The following EDEM3 variants were observed in gnomAD, a reference collection of about 807,000 sequenced individuals.
EDEM3 encodes ER degradation enhancing alpha-mannosidase like protein 3.
Under a neutral mutation model 110.2 loss-of-function variants are expected in EDEM3, and 60 were observed. That is an observed-to-expected ratio of 0.54 (90% confidence interval 0.44 to 0.67). The LOEUF (loss-of-function observed/expected upper bound fraction) is 0.67, where lower values mean the gene tolerates loss of function less well. Ranked by LOEUF, EDEM3 falls within the 30% of genes least tolerant of loss-of-function variation. The probability of loss-of-function intolerance (pLI) is 0.00; values close to 1 mark genes in which losing one functional copy is unlikely to be tolerated. For missense variants in EDEM3, 996 were observed against 1,121.0 expected (o/e 0.89, Z 1.59); for synonymous variants, 352 against 382.9 (o/e 0.92, Z 0.94).
chr1:184,754,785 CT>C lies in EDEM3; in HGVS notation c.-140del, dbSNP rs1653007357. 15 of 1,341,330 alleles carry C rather than the reference CT, an allele frequency of 1.1e-5. No individual in the cohort carries two copies. The South Asian group carries it at 2.4e-4, about 22-fold the overall frequency. The allele number at this position is 1,341,330 out of a possible 1,614,324, so 83.1% of individuals were successfully genotyped here. A position where few individuals can be genotyped will look rare whatever the true frequency, so the allele number is the denominator to read the frequency against. On this transcript the variant is annotated 5_prime_UTR_variant, in exon 1 of 20. Coordinates refer to ENST00000318130, the MANE Select transcript of EDEM3 (RefSeq NM_025191.4). ...AACACGGACGGCCGCCGGCGCCAAA[CT>C]GTTTCCCGAAGCCACCAAGCCGGTC...
rs955136642 is a variant in EDEM3 at position 184,708,059 on chromosome 1, A to T, written c.2037+94T>A. The T allele has an allele frequency of 1.0e-5, 12 of 1,174,500 alleles. No homozygotes were observed. The African/African-American group carries it at 1.8e-4, about 17-fold the overall frequency. The allele number at this position is 1,174,500 out of a possible 1,614,324, so 72.8% of individuals were successfully genotyped here. The stretch of plus-strand genomic sequence containing the variant: ...TTGACTATTTCAGTTTTTTAAATAA[A>T]TTAAAACTACTAAATTAGAGAAGAG... On this transcript the variant is annotated intron_variant, in intron 17 of 19. Transcript: ENST00000318130.
At chr1:184,717,261 T>C (rs573904432) in intron 12 of EDEM3, among the ~76,000 whole-genome samples, 1 of 152,146 alleles carries the variant, frequency 6.6e-6, no homozygotes, top group African/African-American at 2.4e-5. Flanking sequence ...AAAGGCTGCC[T>C]GAAGAAAGGC....
intron 19 of EDEM3, among the ~76,000 whole-genome samples, chr1:184,696,571 A>AGGGTTT (rs1649342452): frequency 6.6e-6 from 1 of 151,772 alleles, no homozygotes; most frequent in African/African-American, 2.4e-5. Flanking sequence ...TTACATTCTT[A>AGGGTTT]GGGTTTTTTT....
chr1:184,703,494 T>C (rs1649742270), intron 18 of EDEM3, among the ~76,000 whole-genome samples: 1 of 152,228 alleles, frequency 6.6e-6, no homozygotes, highest in African/African-American at 2.4e-5. Context: ...TTCTTTTTTA[T>C]ATAATGCACA....
intron 1 of EDEM3, among the ~76,000 whole-genome samples, chr1:184,753,182 A>G (rs1187864320): frequency 3.3e-5 from 5 of 151,760 alleles, no homozygotes; most frequent in African/African-American, 9.7e-5. Context: ...TCTTCGTTCC[A>G]CTTTTTTTCT....
rs1651611989 is a variant in EDEM3 at position 184,732,994 on chromosome 1, G to C, written c.459-4C>G. 6.2e-7 allele frequency: 1 copy of C among 1,611,536 alleles called. No individual in the cohort carries two copies. The highest frequency in any genetic ancestry group is 8.5e-7 in the Non-Finnish European group (1 of 1,178,734). ...GGAGTGCCCACCCAAAAGACCCCTA[G>C]GATCACAGAGATGAAACATTATCCA... On this transcript the variant is annotated splice_region_variant and splice_polypyrimidine_tract_variant and intron_variant, in intron 5 of 19. Transcript: ENST00000318130.
At chr1:184,701,584 G>A (rs996072180) in intron 19 of EDEM3, 4 of 1,232,162 alleles carry the variant, frequency 3.2e-6, no homozygotes, top group Non-Finnish European at 4.2e-6. Context: ...GGGAAAAAAA[G>A]CAAATGCATT....
At chr1:184,735,602 T>G (rs1017882527) in intron 4 of EDEM3, among the ~76,000 whole-genome samples, 7 of 152,242 alleles carry the variant, frequency 4.6e-5, no homozygotes, top group African/African-American at 9.6e-5. Flanking sequence ...GTAAAAATTC[T>G]AATTTATAAA....
intron 13 of EDEM3, among the ~76,000 whole-genome samples, chr1:184,713,426 T>A (rs909811348): frequency 6.6e-6 from 1 of 152,222 alleles, no homozygotes; most frequent in Non-Finnish European, 1.5e-5. Flanking sequence ...AATGTTATAA[T>A]GTTTTAACAA....
chr1:184,719,857 C>A (rs1002471999), intron 9 of EDEM3, among the ~76,000 whole-genome samples: 1 of 152,192 alleles, frequency 6.6e-6, no homozygotes, highest in East Asian at 1.9e-4. Flanking sequence ...GGCGTTAGCC[C>A]GTGGTTGGTA....
chr1:184,729,763 A>G lies in EDEM3; in HGVS notation c.612+3074T>C, dbSNP rs552568192. ...ATTTTTAAAATTTTCTTGACACTTC[A>G]GAGTATAAGAAAATAATATAAGTTT... On this transcript the variant is annotated intron_variant, in intron 6 of 19. Coordinates refer to ENST00000318130, the MANE Select transcript of EDEM3 (RefSeq NM_025191.4). 2.6e-5 allele frequency among the ~76,000 whole-genome samples: 4 copies of G among 152,294 alleles called. No homozygotes were observed. The East Asian group carries it at 5.8e-4, about 22-fold the overall frequency.
At chr1:184,738,558 G>A (rs977148054) in intron 2 of EDEM3, among the ~76,000 whole-genome samples, 6 of 152,084 alleles carry the variant, frequency 3.9e-5, no homozygotes, top group African/African-American at 1.4e-4. Flanking sequence ...AGACCCATTA[G>A]GGTCAAAGGT....
At chr1:184,721,418 A>C in intron 8 of EDEM3, 32 bp from the exon 9 acceptor site, 1 of 1,548,802 alleles carries the variant, frequency 6.5e-7, no homozygotes. Flanking sequence ...TTTTCATTAA[A>C]TTTTTTTAAA....
Position 184,726,267 on chromosome 1 carries a change from T to C in EDEM3, c.735A>G (p.Ala245=). ...GTAAAAAGCAAACCTCAAATATTGTTGCTCCTGTGAATCGACTTAAAGCAG... is the reference window on the plus strand; with the variant it reads ...GTAAAAAGCAAACCTCAAATATTGTCGCTCCTGTGAATCGACTTAAAGCAG... ...EFAALSRFTG[A]TIFEEYARKA... is the part of the protein sequence containing the mutation. Residue 245 remains alanine, a synonymous_variant, in exon 7 of 20, where the codon GCA becomes GCG. Coordinates refer to ENST00000318130, the MANE Select transcript of EDEM3 (RefSeq NM_025191.4). 1.2e-6 allele frequency: 2 copies of C among 1,613,502 alleles called. No homozygotes were observed. The highest frequency in any genetic ancestry group is 8.5e-7 in the Non-Finnish European group (1 of 1,179,620).
intron 1 of EDEM3, 117 bp downstream of exon 1, chr1:184,754,372 G>C (rs377469556): frequency 1.3e-6 from 2 of 1,487,530 alleles, no homozygotes; most frequent in Non-Finnish European, 1.8e-6. Context: ...TCTCGCGCGG[G>C]AAGAGCCGTT....
chr1:184,721,632 GTATGTA>G (rs1650907357), intron 8 of EDEM3, among the ~76,000 whole-genome samples: 1 of 151,778 alleles, frequency 6.6e-6, no homozygotes, highest in Non-Finnish European at 1.5e-5. Flanking sequence ...TAAGAAATTG[GTATGTA>G]TAAATGAATA....
intron 19 of EDEM3, chr1:184,701,402 T>C: frequency 1.5e-6 from 1 of 668,316 alleles, no homozygotes; most frequent in Non-Finnish European, 2.0e-6. Flanking sequence ...TGGTATCCAC[T>C]GAAACAAAAT....
chr1:184,710,967 A>G (rs1650194474), intron 15 of EDEM3, among the ~76,000 whole-genome samples: 1 of 152,250 alleles, frequency 6.6e-6, no homozygotes, highest in African/African-American at 2.4e-5. Context: ...ATGGCCTAAT[A>G]TAACTACTCG....
At chr1:184,707,536 A>G (rs761444061) in intron 17 of EDEM3, among the ~76,000 whole-genome samples, 2 of 152,200 alleles carry the variant, frequency 1.3e-5, no homozygotes, top group Admixed American at 1.3e-4. Flanking sequence ...ACATGAGAAA[A>G]AAGTCTAAAT....
Sources: gnomAD v4.1 joint callset for allele counts (sites outside exome capture counted in the v4.1 genomes callset) on GRCh38, gnomAD v4.1.1 for gene constraint, MANE v1.5 for transcripts, NCBI Gene and HGNC (gene_info 2026-07-23, HGNC 2026-07-21) for gene names.